Variants in RSF1 observed in about 807,000 individuals in gnomAD.
RSF1 encodes the protein HBV pX-associated protein 8.
A neutral mutation model predicts 145.2 loss-of-function variants in RSF1; 13 were observed. The observed-to-expected ratio is 0.09, with a 90% CI of 0.06 to 0.14. The LOEUF is 0.14. Ranked by LOEUF, RSF1 falls within the 10% of genes least tolerant of loss-of-function variation. The probability of loss-of-function intolerance (pLI) is 1.00; values close to 1 mark genes in which losing one functional copy is unlikely to be tolerated. For missense variants in RSF1, 1,517 were observed against 1,718.2 expected, an observed-to-expected ratio of 0.88 and a Z score of 2.07; for synonymous variants, 577 against 592.6, an observed-to-expected ratio of 0.97 and a Z score of 0.38.
chr11:77,709,285 T>C, intron 5 of RSF1, among the ~76,000 whole-genome samples: 1 of 152,204 alleles, frequency 6.6e-6, no homozygotes, highest in East Asian at 1.9e-4. Flanking sequence ...CTTACCACCA[T>C]CTATACTATA....
chr11:77,791,736 T>C (rs1336727291), intron 1 of RSF1, among the ~76,000 whole-genome samples: 1 of 152,146 alleles, frequency 6.6e-6, no homozygotes. Context: ...ACAAGAATCA[T>C]CATTGTTTCA....
chr11:77,851,373 GCT>G, the RSF1 span: 2 of 152,214 alleles, frequency 1.3e-5, no homozygotes, highest in Non-Finnish European at 2.9e-5. Context: ...AGTTTCTTCT[GCT>G]CAAGACAGTT....
At chr11:77,783,249 T>C (rs1948421888) in intron 1 of RSF1, among the ~76,000 whole-genome samples, 2 of 152,218 alleles carry the variant, frequency 1.3e-5, no homozygotes, top group South Asian at 4.1e-4. Flanking sequence ...CCTCATATAT[T>C]GTGAAATTTG....
the RSF1 span, among the ~76,000 whole-genome samples, chr11:77,867,236 A>G: frequency 7.2e-5 from 11 of 152,204 alleles, no homozygotes; most frequent in African/African-American, 2.6e-4. Flanking sequence ...CCCATTTGTT[A>G]TCTCTTTGAT....
At chr11:77,690,754 C>T (rs1960132049) in intron 9 of RSF1, among the ~76,000 whole-genome samples, 1 of 152,192 alleles carries the variant, frequency 6.6e-6, no homozygotes, top group African/African-American at 2.4e-5. Flanking sequence ...AGTTGGCAAA[C>T]ATTTCCTATA....
In RSF1 at chr11:77,667,382, C is replaced by A. The variant is rs1439910646; in HGVS notation, c.3861G>T (p.Glu1287Asp). 2.5e-6 allele frequency: 4 copies of A among 1,614,000 alleles called. No individual in the cohort carries two copies. The highest frequency in any genetic ancestry group is 2.5e-6 in the Non-Finnish European group (3 of 1,180,038). ...STDEYSEADE[E>D]EEEEEGKPSR... The stretch of plus-strand genomic sequence containing the variant: ...ATGGTTTGCCTTCCTCTTCCTCCTC[C>A]TCCTCATCTGCTTCTGAATACTCGT... Residue 1287 changes from glutamate (E) to aspartate (D), a missense_variant, in exon 16 of 16, where the codon GAG becomes GAT. Glu to Asp is a conservative substitution (Grantham distance 45, BLOSUM62 2). This residue lies in a region of RSF1 where 240 missense variants were observed against 231.8 expected (regional missense o/e 1.04). Coordinates refer to ENST00000308488, the MANE Select transcript of RSF1 (RefSeq NM_016578.4).
intron 4 of RSF1, among the ~76,000 whole-genome samples, chr11:77,727,553 T>C (rs1340686663): frequency 1.4e-5 from 2 of 146,388 alleles, no homozygotes; most frequent in Non-Finnish European, 3.0e-5. Context: ...CTTGGCTCAC[T>C]GCAACCTCCT....
At chr11:77,803,291 T>C (rs1052538204) in intron 1 of RSF1, among the ~76,000 whole-genome samples, 3 of 152,022 alleles carry the variant, frequency 2.0e-5, no homozygotes, top group East Asian at 1.9e-4. Flanking sequence ...AGGACTACAG[T>C]TGCATGTCAC....
intron 14 of RSF1, among the ~76,000 whole-genome samples, chr11:77,674,101 T>G (rs1198642226): frequency 6.6e-6 from 1 of 152,204 alleles, no homozygotes; most frequent in East Asian, 1.9e-4. Context: ...GTAATTGCAT[T>G]GTGGTGATGT....
chr11:77,675,089 T>A lies in RSF1; in HGVS notation c.3509A>T (p.Lys1170Ile). The change falls in exon 14 of 16, where the codon AAA becomes ATA. Residue 1170 changes from lysine (K) to isoleucine (I), a missense_variant. Transcript: ENST00000308488. The part of the protein sequence containing the change: ...RRLRRKTPKK[K>I]YSDDDEEEES... ...CTCCTCTTCATCATCATCGGAATAT[T>A]TTTTCTTTGGGGTCTTTCTTCGCAA... The A allele has an allele frequency of 1.2e-6, 2 of 1,613,960 alleles. No homozygotes were observed. Among genetic ancestry groups the A allele is most frequent in the East Asian group, 4.5e-5 (2 of 44,898 alleles).
At position 77,701,342 on chromosome 11, in the gene RSF1, A is replaced by C. The variant is rs756968397; in HGVS notation, c.1887T>G (p.Ser629=). The part of the protein sequence containing the change: ...KPGSPEAAET[S]PPSNIIDHCE... Reference sequence around the variant, plus strand: ...AGTGGTCAATGATATTAGATGGTGGAGAAGTTTCAGCTGCCTCAGGAGAGC... The same window carrying C: ...AGTGGTCAATGATATTAGATGGTGGCGAAGTTTCAGCTGCCTCAGGAGAGC... The change falls in exon 6 of 16, where the codon TCT becomes TCG. Residue 629 remains serine (S), a synonymous_variant. Transcript: ENST00000308488. 27 of 1,614,022 alleles carry C rather than the reference A, an allele frequency of 1.7e-5. No individual in the cohort carries two copies. In the South Asian group the frequency reaches 2.7e-4, roughly 16 times the overall value.
chr11:77,799,447 T>G (rs1001374547), intron 1 of RSF1, among the ~76,000 whole-genome samples: 1 of 147,178 alleles, frequency 6.8e-6, no homozygotes, highest in African/African-American at 2.5e-5. Context: ...GAGGCTGCAG[T>G]GAGCCATAAT....
At chr11:77,680,667 A>G (rs1381246064) in intron 11 of RSF1, among the ~76,000 whole-genome samples, 3 of 152,252 alleles carry the variant, frequency 2.0e-5, no homozygotes, top group African/African-American at 7.2e-5. Flanking sequence ...CTCTTCTTTT[A>G]CAATGTAATT....
At chr11:77,703,157 G>C (rs1486753048) in intron 5 of RSF1, 1 of 152,072 alleles carries the variant, frequency 6.6e-6, no homozygotes, top group Non-Finnish European at 1.5e-5. Flanking sequence ...ATTCCTCAAT[G>C]TGATCATATT....
chr11:77,681,233 T>G (rs530753789), intron 11 of RSF1, among the ~76,000 whole-genome samples: 1 of 152,304 alleles, frequency 6.6e-6, no homozygotes, highest in African/African-American at 2.4e-5. Flanking sequence ...CCCTTTAAGC[T>G]CTAAAATCAT....
chr11:77,800,502 A>T (rs951799261), intron 1 of RSF1, among the ~76,000 whole-genome samples: 21 of 152,144 alleles, frequency 1.4e-4, no homozygotes, highest in African/African-American at 4.8e-4. Context: ...AAAAAAAAAG[A>T]AAAGAAAAAA....
In RSF1 at chr11:77,774,911, C is replaced by T. The variant is rs377326191; in HGVS notation, c.188-10222G>A. 3.4e-4 allele frequency among the ~76,000 whole-genome samples: 51 copies of T among 150,464 alleles called. No individual in the cohort carries two copies. The East Asian group carries it at 3.5e-3, about 10-fold the overall frequency. On this transcript the variant is annotated intron_variant, in intron 1 of 15. Transcript: ENST00000308488. ...CCTCCCGAGTAGCTAGGATTACAGG[C>T]GCCCGCCACCATGCCAGTATAATTT...
chr11:77,787,165 A>G (rs1948465204), intron 1 of RSF1, among the ~76,000 whole-genome samples: 1 of 152,216 alleles, frequency 6.6e-6, no homozygotes, highest in African/African-American at 2.4e-5. Flanking sequence ...GAACTGCTCC[A>G]AAGAAATAAA....
chr11:77,714,888 T>C (rs1960770343), intron 5 of RSF1, among the ~76,000 whole-genome samples: 1 of 151,922 alleles, frequency 6.6e-6, no homozygotes. Flanking sequence ...CTTTAGAAGG[T>C]TGAGGTGGGA....
Sources: gnomAD v4.1 joint callset for allele counts (sites outside exome capture counted in the v4.1 genomes callset) on GRCh38, gnomAD v4.1.1 for gene constraint, gnomAD v4.1.1 regional missense constraint, MANE v1.5 for transcripts, NCBI Gene and HGNC (gene_info 2026-07-23, HGNC 2026-07-21) for gene names.